GRM8: variants seen among roughly 807,000 people sequenced by gnomAD.
GRM8 encodes the protein metabotropic glutamate receptor 8.
GRM8 carries 47 observed loss-of-function variants against 87.2 expected under a neutral mutation model. That is an observed-to-expected ratio of 0.54 (90% CI 0.43 to 0.69). The LOEUF is 0.69. Among genes scored for constraint, GRM8 ranks in the 30% least tolerant of loss-of-function variants. GRM8 has a pLI of 0.00. For synonymous variants in GRM8, 396 were observed against 404.5 expected (o/e 0.98, Z 0.25); for missense variants, 1,019 against 1,139.2 (o/e 0.89, Z 1.52).
intron 3 of GRM8, among the ~76,000 whole-genome samples, chr7:127,042,622 T>C (rs947705264): frequency 4.6e-5 from 7 of 152,112 alleles, no homozygotes; most frequent in African/African-American, 1.2e-4. Context: ...TCAAGATGGA[T>C]AAAAGACTTA....
intron 7 of GRM8, among the ~76,000 whole-genome samples, chr7:126,648,300 C>T (rs1803406341): frequency 6.6e-6 from 1 of 152,102 alleles, no homozygotes; most frequent in South Asian, 2.1e-4. Context: ...ATTATCTATC[C>T]TCCCTATCTG....
At chr7:126,595,564 G>A (rs1797100196) in intron 8 of GRM8, among the ~76,000 whole-genome samples, 1 of 151,892 alleles carries the variant, frequency 6.6e-6, no homozygotes, top group Non-Finnish European at 1.5e-5. Flanking sequence ...ACTGCACCTG[G>A]TCCAGGTTTG....
chr7:127,109,383 G>A (rs933517069), intron 2 of GRM8, among the ~76,000 whole-genome samples: 1 of 152,122 alleles, frequency 6.6e-6, no homozygotes, highest in Admixed American at 6.5e-5. Flanking sequence ...CAATGTAAAG[G>A]ATAAAATACA....
chr7:126,750,307 G>A (rs2151539434), intron 7 of GRM8, among the ~76,000 whole-genome samples: 1 of 152,136 alleles, frequency 6.6e-6, no homozygotes, highest in Middle Eastern at 3.4e-3. Flanking sequence ...TGATTTCTAA[G>A]AAATGGGATT....
chr7:126,487,019 T>C (rs1019850283), intron 9 of GRM8, among the ~76,000 whole-genome samples: 2 of 152,096 alleles, frequency 1.3e-5, no homozygotes, highest in African/African-American at 4.8e-5. Flanking sequence ...TACAGACTAG[T>C]GCTCTGTTTC....
chr7:126,471,321 T>C (rs1233316478), intron 9 of GRM8, among the ~76,000 whole-genome samples: 8 of 152,292 alleles, frequency 5.3e-5, no homozygotes, highest in African/African-American at 1.7e-4. Flanking sequence ...TTTATGGTTT[T>C]AGGTCTAACG....
At chr7:126,958,228 C>T (rs781252212) in intron 3 of GRM8, among the ~76,000 whole-genome samples, 2 of 152,156 alleles carry the variant, frequency 1.3e-5, no homozygotes, top group Non-Finnish European at 2.9e-5. Context: ...TCAGGACCCA[C>T]CGAATGGTGG....
chr7:126,752,947 C>A (rs1816590867), intron 7 of GRM8, among the ~76,000 whole-genome samples: 1 of 152,072 alleles, frequency 6.6e-6, no homozygotes, highest in Non-Finnish European at 1.5e-5. Context: ...TACTAAACTG[C>A]ATCCTCCTGA....
chr7:126,525,304 C>T (rs1383054455), intron 9 of GRM8, among the ~76,000 whole-genome samples: 8 of 152,178 alleles, frequency 5.3e-5, no homozygotes, highest in Admixed American at 5.2e-4. Context: ...AGCTGTATTT[C>T]CTATTCCCCC....
intron 8 of GRM8, among the ~76,000 whole-genome samples, chr7:126,597,876 G>C (rs1434808379): frequency 6.6e-6 from 1 of 151,942 alleles, no homozygotes; most frequent in Non-Finnish European, 1.5e-5. Context: ...TAAAATCAGG[G>C]GATTTAGGAT....
intron 7 of GRM8, among the ~76,000 whole-genome samples, chr7:126,676,845 G>A (rs9690442): frequency 0.19 from 28,196 of 151,956 alleles, 2,724 homozygotes; most frequent in African/African-American, 0.21. Flanking sequence ...CCCCAAAAGC[G>A]AATGCAATAA....
intron 3 of GRM8, among the ~76,000 whole-genome samples, chr7:126,968,691 G>T (rs1810110038): frequency 6.6e-6 from 1 of 151,994 alleles, no homozygotes; most frequent in Non-Finnish European, 1.5e-5. Context: ...TTGATTCAAA[G>T]GCTCAATGCT....
At chr7:126,541,322 T>C (rs919665131) in intron 8 of GRM8, among the ~76,000 whole-genome samples, 3 of 152,114 alleles carry the variant, frequency 2.0e-5, no homozygotes, top group Non-Finnish European at 4.4e-5. Context: ...TACTAATATA[T>C]AGTTTCAAAA....
intron 8 of GRM8, among the ~76,000 whole-genome samples, chr7:126,542,120 GC>G (rs1284010119): frequency 6.6e-6 from 1 of 152,126 alleles, no homozygotes; most frequent in East Asian, 1.9e-4. Flanking sequence ...AAACAACTAT[GC>G]CAACATCTTG....
chr7:126,713,552 A>G (rs899078702), intron 7 of GRM8, among the ~76,000 whole-genome samples: 15 of 151,782 alleles, frequency 9.9e-5, no homozygotes, highest in Admixed American at 9.2e-4. Context: ...ACCATGGCAC[A>G]TGTATACTTA....
chr7:126,446,490 C>T (rs970219034), intron 9 of GRM8, 118 bp from the exon 10 acceptor site: 7 of 660,656 alleles, frequency 1.1e-5, no homozygotes, highest in Non-Finnish European at 1.8e-5. Context: ...CATTAAAAGG[C>T]ACTTATTGAA....
At chr7:127,212,343 AC>A (rs1351691192) in intron 2 of GRM8, among the ~76,000 whole-genome samples, 1 of 151,730 alleles carries the variant, frequency 6.6e-6, no homozygotes, top group Non-Finnish European at 1.5e-5. Flanking sequence ...TCAAGTTCAT[AC>A]GGTATTTGAT....
chr7:127,106,640 C>T lies in GRM8; in HGVS notation c.583G>A (p.Val195Met), dbSNP rs373754104. The T allele has an allele frequency of 6.9e-5, 111 of 1,613,928 alleles. No individual in the cohort carries two copies. The highest frequency in any genetic ancestry group is 9.1e-5 in the Non-Finnish European group (107 of 1,179,970). Residue 195 changes from valine (V) to methionine (M), a missense_variant, in exon 3 of 11, where the codon GTG (valine) becomes ATG (methionine). Coordinates refer to ENST00000339582, the MANE Select transcript of GRM8 (RefSeq NM_000845.3). ...DNTRYDFFSR[V>M]VPPDSYQAQA... Reference sequence around the variant, plus strand: ...GCTTGGTAGGAGTCAGGCGGAACCACTCGAGAGAAAAAGTCATACCTGGTG... The same window carrying T: ...GCTTGGTAGGAGTCAGGCGGAACCATTCGAGAGAAAAAGTCATACCTGGTG...
chr7:126,525,735 C>T (rs1813722122), intron 9 of GRM8, among the ~76,000 whole-genome samples: 1 of 152,120 alleles, frequency 6.6e-6, no homozygotes, highest in Non-Finnish European at 1.5e-5. Context: ...ATGGCTTCCT[C>T]TCATTCTCTC....
Sources: gnomAD v4.1 joint callset for allele counts (sites outside exome capture counted in the v4.1 genomes callset) on GRCh38, gnomAD v4.1.1 for gene constraint, MANE v1.5 for transcripts, NCBI Gene and HGNC (gene_info 2026-07-23, HGNC 2026-07-21) for gene names.